Variants in EED observed in about 807,000 individuals in gnomAD.
The protein encoded by EED is embryonic ectoderm development, also known as polycomb protein EED.
EED carries 9 observed loss-of-function variants against 61.0 expected under a neutral mutation model. The ratio of observed to expected loss-of-function variants is 0.15; its 90% CI spans 0.09 to 0.26. The LOEUF is 0.26. Among genes scored for constraint, EED ranks in the 10% least tolerant of loss-of-function variants. The pLI is 1.00. For synonymous variants in EED, 187 were observed against 174.4 expected, an observed-to-expected ratio of 1.07 and a Z score of -0.57; for missense variants, 315 against 542.3, an observed-to-expected ratio of 0.58 and a Z score of 4.16.
intron 2 of EED, 132 bp downstream of exon 2, chr11:86,250,580 T>G: frequency 2.2e-6 from 2 of 891,344 alleles, no homozygotes; most frequent in Non-Finnish European, 2.9e-6. Flanking sequence ...TCTGAAGGGT[T>G]TTTTTTTTTG....
At chr11:86,268,703 C>A in intron 9 of EED, 142 bp downstream of exon 9, 1 of 481,506 alleles carries the variant, frequency 2.1e-6, no homozygotes, top group Admixed American at 3.8e-5. Context: ...TGGGAAGTTG[C>A]CTTTTTTAAA....
chr11:86,274,695 C>G (rs758991770), intron 9 of EED, among the ~76,000 whole-genome samples: 10 of 152,168 alleles, frequency 6.6e-5, no homozygotes, highest in African/African-American at 1.9e-4. Flanking sequence ...TTACTGCCCC[C>G]CCTAGTGGTC....
downstream of EED, among the ~76,000 whole-genome samples, chr11:86,281,999 T>G (rs774392197): frequency 3.3e-5 from 5 of 152,214 alleles, no homozygotes; most frequent in African/African-American, 4.8e-5. Context: ...GTTTCAAACA[T>G]ATAGAAGAGT....
downstream of EED, among the ~76,000 whole-genome samples, chr11:86,283,232 A>G (rs1442000843): frequency 6.6e-6 from 1 of 152,206 alleles, no homozygotes; most frequent in African/African-American, 2.4e-5. Flanking sequence ...CCAGATTGAC[A>G]ATGAAGCAAG....
intron 8 of EED, 65 bp downstream of exon 8, chr11:86,266,281 C>G: frequency 7.2e-7 from 1 of 1,392,592 alleles, no homozygotes; most frequent in Non-Finnish European, 9.6e-7. Context: ...TTTATTTTTT[C>G]CCAAAATTGC....
chr11:86,281,910 A>C (rs984037955), downstream of EED, among the ~76,000 whole-genome samples: 1 of 152,242 alleles, frequency 6.6e-6, no homozygotes, highest in Non-Finnish European at 1.5e-5. Context: ...TAGGAAAGAT[A>C]AAACCAGCTT....
At position 86,266,063 on chromosome 11, in the gene EED, CT is replaced by C. The variant is rs751212980; in HGVS notation, c.727-15del. On this transcript the variant is annotated intron_variant, in intron 7 of 11. Coordinates refer to ENST00000263360, the MANE Select transcript of EED (RefSeq NM_003797.5). ...ATTTGGAGCTGTAATTTATATAAAA[CT>C]TTTTGGTTTTGCATACAGGATTATG... 1.3e-6 allele frequency: 2 copies of C among 1,559,448 alleles called. No individual in the cohort carries two copies. The highest frequency in any genetic ancestry group is 1.4e-5 in the African/African-American group (1 of 71,920).
At chr11:86,254,419 C>G (rs1490353791) in intron 3 of EED, among the ~76,000 whole-genome samples, 3 of 149,604 alleles carry the variant, frequency 2.0e-5, no homozygotes, top group Non-Finnish European at 4.4e-5. Flanking sequence ...CTCCTGGGTT[C>G]TAGCGATTCT....
At chr11:86,245,763 C>T (rs186335832) in intron 1 of EED, among the ~76,000 whole-genome samples, 11 of 152,144 alleles carry the variant, frequency 7.2e-5, no homozygotes, top group Admixed American at 7.2e-4. Flanking sequence ...CACTCTAAGA[C>T]CCTTGTGGAA....
At chr11:86,261,395 C>G (rs982552192) in intron 6 of EED, among the ~76,000 whole-genome samples, 2 of 151,832 alleles carry the variant, frequency 1.3e-5, no homozygotes, top group African/African-American at 4.8e-5. Flanking sequence ...GCCCCAGAGG[C>G]CTTGGGCAGC....
At chr11:86,272,631 C>G (rs1209202305) in intron 9 of EED, among the ~76,000 whole-genome samples, 2 of 152,142 alleles carry the variant, frequency 1.3e-5, no homozygotes, top group African/African-American at 4.8e-5. Flanking sequence ...TTCTCTTTCT[C>G]CTTTCAGTTC....
chr11:86,268,634 T>TGTGC (rs1200659099), intron 9 of EED, 73 bp downstream of exon 9: 1 of 1,029,062 alleles, frequency 9.7e-7, no homozygotes, highest in African/African-American at 1.7e-5. Flanking sequence ...TGTATGTGTG[T>TGTGC]GCGCATGTTG....
downstream of EED, among the ~76,000 whole-genome samples, chr11:86,281,307 C>T (rs1392936392): frequency 2.6e-5 from 4 of 152,238 alleles, no homozygotes; most frequent in East Asian, 7.7e-4. Context: ...GGTGTATTAA[C>T]AGTTGTAATA....
intron 6 of EED, among the ~76,000 whole-genome samples, chr11:86,260,335 T>G (rs890436791): frequency 2.6e-5 from 4 of 152,180 alleles, no homozygotes; most frequent in African/African-American, 7.2e-5. Context: ...CAAGCAATGT[T>G]CCCACCTCAT....
the EED span, among the ~76,000 whole-genome samples, chr11:86,285,253 C>G: frequency 3.3e-5 from 5 of 152,032 alleles, no homozygotes; most frequent in Non-Finnish European, 7.4e-5. Flanking sequence ...GACGCTGTCT[C>G]TACAAAATAT....
At chr11:86,256,902 GT>G (rs1221948588) in intron 5 of EED, among the ~76,000 whole-genome samples, 1 of 152,122 alleles carries the variant, frequency 6.6e-6, no homozygotes, top group Non-Finnish European at 1.5e-5. Context: ...AAGAAGACGG[GT>G]TTTTCAAATC....
At chr11:86,265,120 C>G (rs1420845706) in intron 7 of EED, 20 of 152,120 alleles carry the variant, frequency 1.3e-4, no homozygotes, top group Admixed American at 1.0e-3. Flanking sequence ...ATTAATAACT[C>G]CAAATTAGTG....
chr11:86,250,429 A>G lies in EED; in HGVS notation c.248A>G (p.Lys83Arg). 6.2e-7 allele frequency: 1 copy of G among 1,605,682 alleles called. No homozygotes were observed. The highest frequency in any genetic ancestry group is 8.5e-7 in the Non-Finnish European group (1 of 1,176,374). ...TCAAAGAAATGCAAATATTCTTTCA[A>G]ATGTGTAAATAGTCTCAAGGTATGT... ...WKSKKCKYSFKCVNSLKEDHN... is the reference protein window; with the variant it reads ...WKSKKCKYSFRCVNSLKEDHN... Residue 83 changes from lysine (K) to arginine (R), a missense_variant, in exon 2 of 12, where the codon AAA (lysine) becomes AGA (arginine). Around this residue, in one of 2 missense-constraint regions of EED, gnomAD observed 205 missense variants for 455.4 expected, o/e 0.45. Coordinates refer to ENST00000263360, the MANE Select transcript of EED (RefSeq NM_003797.5).
At chr11:86,255,819 C>T (rs1015681159) in intron 4 of EED, among the ~76,000 whole-genome samples, 2 of 151,472 alleles carry the variant, frequency 1.3e-5, no homozygotes, top group African/African-American at 2.4e-5. Flanking sequence ...ATTTGAAAAG[C>T]CCGAGTTAGA....
Sources: allele counts gnomAD v4.1 joint callset (sites outside exome capture counted in the v4.1 genomes callset), GRCh38; gene constraint gnomAD v4.1.1; regional missense constraint gnomAD v4.1.1; transcripts MANE v1.5; gene names NCBI Gene and HGNC (gene_info 2026-07-23, HGNC 2026-07-21).